ADAMTSL1: variants seen among roughly 807,000 people sequenced by gnomAD.
ADAMTSL1 encodes the protein ADAMTS like 1, also known as ADAMTS-like protein 1.
In ADAMTSL1, 126 loss-of-function variants were observed where a neutral mutation model predicts 201.8. The observed-to-expected ratio is 0.62, with a 90% CI of 0.54 to 0.72. The LOEUF is 0.72. Ranked by LOEUF, ADAMTSL1 falls within the 30% of genes least tolerant of loss-of-function variation. The pLI is 0.00. For synonymous variants in ADAMTSL1, 1,121 were observed against 903.4 expected (o/e 1.24, Z -4.32); for missense variants, 2,679 against 2,277.8 (o/e 1.18, Z -3.59).
Position 18,848,377 on chromosome 9 carries a change from G to T in ADAMTSL1, c.4249+18400G>T, listed in dbSNP as rs138243784. 2.0e-5 allele frequency among the ~76,000 whole-genome samples: 3 copies of T among 152,316 alleles called. No homozygotes were observed. The East Asian group carries it at 5.8e-4, about 29-fold the overall frequency. On this transcript the variant is annotated intron_variant, in intron 23 of 28. Coordinates refer to ENST00000380548, the MANE Select transcript of ADAMTSL1 (RefSeq NM_001040272.6). ...AGAAGCTGGAATGGAAATATGGCGT[G>T]CTTAATCATTTAGAATATTTTAATC...
chr9:18,553,747 C>G (rs560557972), intron 3 of ADAMTSL1, among the ~76,000 whole-genome samples: 3 of 151,794 alleles, frequency 2.0e-5, no homozygotes, highest in Non-Finnish European at 2.9e-5. Context: ...AGAGAATTAT[C>G]CATTGACTTC....
chr9:18,184,484 T>C (rs1324515765), intron 2 of ADAMTSL1, among the ~76,000 whole-genome samples: 1 of 152,310 alleles, frequency 6.6e-6, no homozygotes. Flanking sequence ...TAAGAGGATA[T>C]GATAAGAGGA....
intron 2 of ADAMTSL1, among the ~76,000 whole-genome samples, chr9:18,327,572 T>C (rs1834876564): frequency 6.6e-6 from 1 of 152,158 alleles, no homozygotes; most frequent in South Asian, 2.1e-4. Flanking sequence ...GCAACAAACT[T>C]GGGGACTTGG....
intron 1 of ADAMTSL1, among the ~76,000 whole-genome samples, chr9:17,980,649 G>A (rs1029685084): frequency 6.6e-6 from 1 of 152,086 alleles, no homozygotes; most frequent in Non-Finnish European, 1.5e-5. Flanking sequence ...TGAGGGTAGA[G>A]CCTTCAGGAA....
At chr9:18,237,110 T>C (rs557302409) in intron 2 of ADAMTSL1, among the ~76,000 whole-genome samples, 1 of 152,324 alleles carries the variant, frequency 6.6e-6, no homozygotes, top group East Asian at 1.9e-4. Context: ...CAAACATCAC[T>C]AATGTACTTC....
intron 1 of ADAMTSL1, among the ~76,000 whole-genome samples, chr9:18,134,239 G>T (rs1180761637): frequency 6.6e-6 from 1 of 152,196 alleles, no homozygotes; most frequent in Non-Finnish European, 1.5e-5. Flanking sequence ...ATGTGTGGAT[G>T]CTCTGAACTC....
chr9:18,609,768 T>C (rs1825265572), intron 4 of ADAMTSL1, among the ~76,000 whole-genome samples: 2 of 152,118 alleles, frequency 1.3e-5, no homozygotes, highest in Non-Finnish European at 2.9e-5. Context: ...GACTATGAAA[T>C]AGAAGATTTG....
intron 15 of ADAMTSL1, among the ~76,000 whole-genome samples, chr9:18,724,093 C>G (rs1245746719): frequency 6.6e-6 from 1 of 152,168 alleles, no homozygotes; most frequent in East Asian, 1.9e-4. Context: ...TTGGTCTGTG[C>G]TGCTATGCAT....
intron 20 of ADAMTSL1, among the ~76,000 whole-genome samples, chr9:18,799,397 C>T (rs966843532): frequency 2.0e-5 from 3 of 152,124 alleles, no homozygotes; most frequent in Non-Finnish European, 4.4e-5. Flanking sequence ...CTTCCAAATC[C>T]GAATGGCCTA....
intron 28 of ADAMTSL1, 63 bp downstream of exon 28, chr9:18,906,975 G>T (rs1464090105): frequency 6.3e-7 from 1 of 1,586,804 alleles, no homozygotes; most frequent in Non-Finnish European, 8.6e-7. Flanking sequence ...GCAGAGAGCA[G>T]TCCCTGGGAC....
intron 1 of ADAMTSL1, among the ~76,000 whole-genome samples, chr9:17,987,298 GTTGTAATTACTT>G (rs1175183512): frequency 2.6e-5 from 4 of 152,054 alleles, no homozygotes; most frequent in Admixed American, 2.0e-4. Flanking sequence ...TAAGCACCAC[GTTGTAATTACTT>G]TTGGAGGGCT....
Position 18,058,875 on chromosome 9 carries a change from C to T in ADAMTSL1, c.88-104987C>T, listed in dbSNP as rs1245348566. 3.9e-5 allele frequency among the ~76,000 whole-genome samples: 6 copies of T among 152,298 alleles called. No individual in the cohort carries two copies. In the South Asian group the frequency reaches 8.3e-4, roughly 21 times the overall value. ...CAGATGTTACTGCCAGTTTAAGTTTCTAACAAACTGCTCTGCCAGTCCCAC... is the reference window on the plus strand; with the variant it reads ...CAGATGTTACTGCCAGTTTAAGTTTTTAACAAACTGCTCTGCCAGTCCCAC... On this transcript the variant is annotated intron_variant, in intron 1 of 29. Transcript: ENST00000680146.
intron 23 of ADAMTSL1, among the ~76,000 whole-genome samples, chr9:18,876,801 G>T (rs371393041): frequency 1.8e-4 from 28 of 152,306 alleles, no homozygotes; most frequent in East Asian, 9.6e-4. Context: ...TAGATGTCTA[G>T]CAAGGTCAGG....
intron 1 of ADAMTSL1, among the ~76,000 whole-genome samples, chr9:18,481,162 A>T (rs562569048): frequency 6.6e-6 from 1 of 152,354 alleles, no homozygotes; most frequent in South Asian, 2.1e-4. Flanking sequence ...GTACAGCGAT[A>T]TATAAAGTAA....
intron 2 of ADAMTSL1, among the ~76,000 whole-genome samples, chr9:18,256,555 C>A (rs1157531353): frequency 6.6e-6 from 1 of 152,144 alleles, no homozygotes; most frequent in Admixed American, 6.5e-5. Context: ...AAGAAATGGG[C>A]ATAGACATGA....
chr9:18,537,997 A>G (rs141792862), intron 3 of ADAMTSL1, among the ~76,000 whole-genome samples: 2,336 of 148,228 alleles, frequency 0.016, 44 homozygotes, highest in African/African-American at 0.049. Context: ...AGGAAGAAGA[A>G]GAAGAAGGAG....
rs548771007 is a variant in ADAMTSL1 at position 18,332,742 on chromosome 9, T to C, written c.207+168761T>C. 4.7e-4 allele frequency among the ~76,000 whole-genome samples: 72 copies of C among 152,368 alleles called. No homozygotes were observed. In the South Asian group the frequency reaches 0.013, roughly 28 times the overall value. On this transcript the variant is annotated intron_variant, in intron 2 of 29. Coordinates refer to the ADAMTSL1 transcript ENST00000680146. ...TTTTAAATTAGAGCCTATATAGTTA[T>C]TTCCCTAGGTGAAACTGCAGGCATT...
intron 2 of ADAMTSL1, among the ~76,000 whole-genome samples, chr9:18,243,337 T>A (rs1447305911): frequency 6.6e-6 from 1 of 152,152 alleles, no homozygotes; most frequent in Non-Finnish European, 1.5e-5. Context: ...TTTCTTATGC[T>A]CATTGATAGA....
chr9:18,199,729 A>G (rs1829353337), intron 2 of ADAMTSL1, among the ~76,000 whole-genome samples: 2 of 152,132 alleles, frequency 1.3e-5, no homozygotes, highest in South Asian at 4.1e-4. Context: ...GTTTTAGCAC[A>G]TAGAGATATA....
Sources: allele counts gnomAD v4.1 joint callset (sites outside exome capture counted in the v4.1 genomes callset), GRCh38; gene constraint gnomAD v4.1.1; transcripts MANE v1.5; gene names NCBI Gene and HGNC (gene_info 2026-07-23, HGNC 2026-07-21).